Variants in USP43 observed in about 807,000 individuals in gnomAD.
USP43 encodes ubiquitin carboxyl-terminal hydrolase 43.
In USP43, 33 loss-of-function variants were observed where a neutral mutation model predicts 90.7. The ratio of observed to expected loss-of-function variants is 0.36; its 90% confidence interval spans 0.28 to 0.49. The LOEUF (loss-of-function observed/expected upper bound fraction) is 0.49, where lower values mean the gene tolerates loss of function less well. USP43 is among the 20% of genes least tolerant of loss of function. The pLI is 0.98. For synonymous variants in USP43, 598 were observed against 615.8 expected (o/e 0.97, Z 0.43); for missense variants, 1,274 against 1,476.4 (o/e 0.86, Z 2.25).
At chr17:9,725,781 C>T (rs112473868) in intron 14 of USP43, among the ~76,000 whole-genome samples, 3 of 152,290 alleles carry the variant, frequency 2.0e-5, no homozygotes, top group Admixed American at 1.3e-4. Context: ...CAACTCCTCT[C>T]GCCACCTGCC....
intron 5 of USP43, among the ~76,000 whole-genome samples, chr17:9,678,941 C>T (rs1259340755): frequency 6.6e-6 from 1 of 151,970 alleles, no homozygotes. Context: ...GAGTCTAAAG[C>T]CAATCTTCCC....
At chr17:9,715,981 CTG>C (rs1440603584) in intron 14 of USP43, among the ~76,000 whole-genome samples, 5 of 144,536 alleles carry the variant, frequency 3.5e-5, no homozygotes, top group African/African-American at 7.7e-5. Context: ...GTGTGTGTGT[CTG>C]TGTTTGTGTA....
intron 5 of USP43, 61 bp downstream of exon 5, chr17:9,676,942 G>C: frequency 6.4e-7 from 1 of 1,573,690 alleles, no homozygotes; most frequent in Non-Finnish European, 8.6e-7. Flanking sequence ...TGAGCCAGCT[G>C]TCTAGGCTGT....
intron 1 of USP43, among the ~76,000 whole-genome samples, chr17:9,655,933 C>T (rs1247007152): frequency 1.3e-5 from 2 of 152,132 alleles, no homozygotes; most frequent in African/African-American, 4.8e-5. Flanking sequence ...AGAGTTGAAG[C>T]TATGAGAATG....
chr17:9,646,075 C>T lies in USP43; in HGVS notation c.443C>T (p.Ala148Val). 6.6e-7 allele frequency: 1 copy of T among 1,507,524 alleles called. No individual in the cohort carries two copies. Among genetic ancestry groups the T allele is most frequent in the Non-Finnish European group, 8.9e-7 (1 of 1,128,704 alleles). The allele number at this position is 1,507,524 out of a possible 1,614,324, so 93.4% of individuals were successfully genotyped here. A position where few individuals can be genotyped will look rare whatever the true frequency, so the allele number is the denominator to read the frequency against. Residue 148 changes from alanine (A) to valine (V), a missense_variant, in exon 1 of 15, where the codon GCG becomes GTG. Physicochemically the swap from Ala to Val is moderately conservative, Grantham distance 64 (BLOSUM62 0). This residue lies in a region of USP43 where 259 missense variants were observed against 373.7 expected (regional missense o/e 0.69). Coordinates refer to ENST00000285199, the MANE Select transcript of USP43 (RefSeq NM_153210.5). Reference protein sequence around the residue: ...PGRAEVTEQLAALVRALWTRE... With the variant: ...PGRAEVTEQLVALVRALWTRE... ...CGCGCCGAGGTCACCGAGCAGCTGG[C>T]GGCGCTGGTGCGCGCGCTCTGGACT...
In USP43 at chr17:9,701,701, G is replaced by A; in HGVS notation, c.2011+1G>A. 1.3e-6 allele frequency: 2 copies of A among 1,536,706 alleles called. No homozygotes were observed. The highest frequency in any genetic ancestry group is 1.8e-6 in the Non-Finnish European group (2 of 1,138,206). On this transcript the variant is annotated splice_donor_variant, in intron 12 of 14. Coordinates refer to ENST00000285199, the MANE Select transcript of USP43 (RefSeq NM_153210.5). LOFTEE classifies it high-confidence loss of function. This position sits in a 1 kb window ranked among gnomAD's most constrained non-coding sequence, Gnocchi z 7.2. ...AACCTGCAAGGTGGGCATTACACAGGTGAGCCTTGCCTTGCCTTTCTGCAA... is the reference window on the plus strand; with the variant it reads ...AACCTGCAAGGTGGGCATTACACAGATGAGCCTTGCCTTGCCTTTCTGCAA...
At chr17:9,727,317 GA>G (rs1187500547) in intron 14 of USP43, among the ~76,000 whole-genome samples, 2 of 151,792 alleles carry the variant, frequency 1.3e-5, no homozygotes, top group African/African-American at 4.8e-5. Context: ...AAAGAATTAA[GA>G]AAAAAAATCC....
intron 8 of USP43, among the ~76,000 whole-genome samples, chr17:9,692,186 C>G (rs781143635): frequency 5.9e-4 from 89 of 151,906 alleles, no homozygotes; most frequent in Middle Eastern, 3.4e-3. Context: ...TGGTGAAACC[C>G]CATCTCTACT....
chr17:9,667,401 GTAAA>G (rs1381094665), intron 3 of USP43, among the ~76,000 whole-genome samples: 1 of 152,080 alleles, frequency 6.6e-6, no homozygotes, highest in African/African-American at 2.4e-5. Context: ...CAAAAAAAAA[GTAAA>G]TAAATAAATA....
chr17:9,694,315 T>C (rs1915131352), intron 9 of USP43, among the ~76,000 whole-genome samples: 1 of 152,156 alleles, frequency 6.6e-6, no homozygotes, highest in South Asian at 2.1e-4. Context: ...CAGATGCTTT[T>C]GCTTTACAGA....
intron 9 of USP43, among the ~76,000 whole-genome samples, chr17:9,698,023 T>C (rs911628188): frequency 6.6e-6 from 1 of 152,236 alleles, no homozygotes; most frequent in African/African-American, 2.4e-5. Flanking sequence ...CTTCTAATAA[T>C]AGCCATCTGC....
chr17:9,684,047 G>A (rs1316400799), intron 7 of USP43, among the ~76,000 whole-genome samples: 3 of 152,014 alleles, frequency 2.0e-5, no homozygotes, highest in Non-Finnish European at 2.9e-5. Flanking sequence ...TATGGCAGGA[G>A]AATCGCTTGA....
At chr17:9,669,093 C>T (rs1177400564) in intron 3 of USP43, among the ~76,000 whole-genome samples, 1 of 152,024 alleles carries the variant, frequency 6.6e-6, no homozygotes, top group East Asian at 1.9e-4. Flanking sequence ...ATCCACCTGC[C>T]TCGGCCTCCC....
chr17:9,660,263 G>A (rs1270892427), intron 2 of USP43, among the ~76,000 whole-genome samples: 1 of 152,138 alleles, frequency 6.6e-6, no homozygotes, highest in Non-Finnish European at 1.5e-5. Flanking sequence ...AGATTCTCCT[G>A]CCTCAGCCTC....
chr17:9,692,742 C>T (rs773693142), intron 8 of USP43, among the ~76,000 whole-genome samples: 1 of 152,096 alleles, frequency 6.6e-6, no homozygotes, highest in Admixed American at 6.6e-5. Flanking sequence ...AGAAAATTGC[C>T]TCATTGTGGG....
chr17:9,686,193 T>C lies in USP43; in HGVS notation c.1242-605T>C, dbSNP rs1173804373. ...GTTGTGTATATAGACCACATTTTCT[T>C]TTTCATTTCTTTTCCATTCATCCAC... On this transcript the variant is annotated intron_variant, in intron 7 of 14. Transcript: ENST00000285199. This position sits in a 1 kb window ranked among gnomAD's most constrained non-coding sequence, Gnocchi z 5.5. Among the ~76,000 whole-genome samples, 1 of 152,232 alleles carries C rather than the reference T, an allele frequency of 6.6e-6. No homozygotes were observed. The highest frequency in any genetic ancestry group is 1.5e-5 in the Non-Finnish European group (1 of 68,034).
chr17:9,664,103 A>G (rs535949089), intron 2 of USP43, among the ~76,000 whole-genome samples: 2 of 152,326 alleles, frequency 1.3e-5, no homozygotes, highest in East Asian at 3.9e-4. Flanking sequence ...TAGGACATAT[A>G]AGAATGACCA....
intron 1 of USP43, among the ~76,000 whole-genome samples, chr17:9,653,969 T>A (rs1912053298): frequency 6.6e-6 from 1 of 152,122 alleles, no homozygotes; most frequent in African/African-American, 2.4e-5. Context: ...GGAACCAGCA[T>A]CCAGAATGCT....
intron 1 of USP43, among the ~76,000 whole-genome samples, chr17:9,652,573 G>A (rs1333877548): frequency 1.2e-4 from 19 of 152,166 alleles, no homozygotes; most frequent in African/African-American, 4.6e-4. Flanking sequence ...TTGGTAGCCA[G>A]GATGGGTTCA....
Sources: allele counts gnomAD v4.1 joint callset (sites outside exome capture counted in the v4.1 genomes callset), GRCh38; gene constraint gnomAD v4.1.1; regional missense constraint gnomAD v4.1.1; non-coding constraint Gnocchi (gnomAD v3.1); transcripts MANE v1.5; gene names NCBI Gene and HGNC (gene_info 2026-07-23, HGNC 2026-07-21).